The following DCAF8L2 variants were observed in gnomAD, a reference collection of about 807,000 sequenced individuals.
DCAF8L2 encodes DDB1 and CUL4 associated factor 8 like 2, also known as DDB1- and CUL4-associated factor 8-like protein 2.
For synonymous variants in DCAF8L2, 200 were observed against 190.9 expected (o/e 1.05, Z -0.39); for missense variants, 430 against 490.7 (o/e 0.88, Z 1.17).
upstream of DCAF8L2, among the ~76,000 whole-genome samples, chrX:27,587,971 C>T (rs1463611070): frequency 1.9e-4 from 4 of 21,348 alleles, no homozygotes; most frequent in African/African-American, 4.4e-4. Flanking sequence ...TTCAGTACTT[C>T]CATTAAAAAA....
At chrX:27,504,917 G>A in the DCAF8L2 span, among the ~76,000 whole-genome samples, 1 of 110,988 alleles carries the variant, frequency 9.0e-6, no homozygotes, top group African/African-American at 3.3e-5. Context: ...GCTCCATTTT[G>A]TTTCAGTTTC....
the DCAF8L2 span, among the ~76,000 whole-genome samples, chrX:27,522,094 C>A: frequency 2.7e-5 from 3 of 112,376 alleles, no homozygotes; most frequent in African/African-American, 9.7e-5. Flanking sequence ...GTGGCGCGAT[C>A]TCGGCTCACC....
At chrX:27,737,074 TTGG>T (rs1273354842) in intron 4 of DCAF8L2, among the ~76,000 whole-genome samples, 1 of 111,963 alleles carries the variant, frequency 8.9e-6, no homozygotes, top group Non-Finnish European at 1.9e-5. Flanking sequence ...TTAACATGTA[TTGG>T]GTTGATTATT....
chrX:27,628,502 T>C (rs995439045), intron 1 of DCAF8L2, among the ~76,000 whole-genome samples: 7 of 111,648 alleles, frequency 6.3e-5, no homozygotes, highest in African/African-American at 2.0e-4. Context: ...TTGAGGAACC[T>C]CCATACTTTT....
chrX:27,639,867 A>C (rs1928642059), intron 2 of DCAF8L2, among the ~76,000 whole-genome samples: 1 of 111,582 alleles, frequency 9.0e-6, no homozygotes, highest in Admixed American at 9.5e-5. Context: ...TTCATTGAAC[A>C]CTGTATCAAC....
Position 27,738,071 on chromosome X carries a change from A to G in DCAF8L2, c.-58-8767A>G, listed in dbSNP as rs1383121269. 4.5e-5 allele frequency among the ~76,000 whole-genome samples: 5 copies of G among 111,538 alleles called. No individual in the cohort carries two copies. In the East Asian group the frequency reaches 1.1e-3, roughly 25 times the overall value. ...AATAACCCATCTTTTTCTTTGATTG[A>G]TATTTTCAGAATCAGGCTGCCATAC... On this transcript the variant is annotated intron_variant, in intron 4 of 4. Coordinates refer to ENST00000451261, the MANE Select transcript of DCAF8L2 (RefSeq NM_001353450.2).
At chrX:27,563,162 G>C in the DCAF8L2 span, among the ~76,000 whole-genome samples, 1 of 110,486 alleles carries the variant, frequency 9.1e-6, no homozygotes, top group East Asian at 2.8e-4. Flanking sequence ...TGGTTTCTCT[G>C]GATGAAACAT....
intron 1 of DCAF8L2, among the ~76,000 whole-genome samples, chrX:27,627,718 AC>A (rs1476389652): frequency 9.3e-6 from 1 of 107,872 alleles, no homozygotes; most frequent in Non-Finnish European, 1.9e-5. Context: ...ACATGGTGAA[AC>A]CCTGTCTCTA....
intron 1 of DCAF8L2, among the ~76,000 whole-genome samples, chrX:27,599,022 T>C (rs1926508988): frequency 1.9e-5 from 2 of 107,945 alleles, no homozygotes; most frequent in Non-Finnish European, 1.9e-5. Context: ...TGGGTGTTTA[T>C]CCAAAAGAAT....
chrX:27,586,227 G>A (rs890193746), upstream of DCAF8L2, among the ~76,000 whole-genome samples: 4 of 111,277 alleles, frequency 3.6e-5, no homozygotes, highest in Non-Finnish European at 5.7e-5. Context: ...TTGCTGGAAA[G>A]AGTGTAATTT....
At chrX:27,544,912 A>G in the DCAF8L2 span, among the ~76,000 whole-genome samples, 1 of 112,025 alleles carries the variant, frequency 8.9e-6, no homozygotes, top group African/African-American at 3.2e-5. Context: ...AATTAGACAT[A>G]TTCGATTTAA....
At chrX:27,469,928 C>G in the DCAF8L2 span, among the ~76,000 whole-genome samples, 1 of 110,516 alleles carries the variant, frequency 9.0e-6, no homozygotes, top group Non-Finnish European at 1.9e-5. Context: ...GCCACCCTGC[C>G]TGGCTAATTT....
chrX:27,613,804 A>G (rs985141539), intron 1 of DCAF8L2, among the ~76,000 whole-genome samples: 8 of 110,438 alleles, frequency 7.2e-5, no homozygotes, highest in African/African-American at 2.3e-4. Context: ...GACGAAGCCA[A>G]CTTGATCTTG....
chrX:27,595,721 C>T lies in DCAF8L2; in HGVS notation c.-342+5281C>T, dbSNP rs1364484614. Among the ~76,000 whole-genome samples the T allele has an allele frequency of 3.6e-5, 4 of 111,901 alleles. No individual in the cohort carries two copies. The East Asian group carries it at 1.1e-3, about 31-fold the overall frequency. On this transcript the variant is annotated intron_variant, in intron 1 of 4. Transcript: ENST00000451261. ...TTAGAACACTGCTTTAAAAATGTTC[C>T]TTGAGGCCGAGTGCGGTGGCTCATG... is the stretch of plus-strand genomic sequence containing the variant.
chrX:27,740,318 C>T (rs1359154460), intron 4 of DCAF8L2, among the ~76,000 whole-genome samples: 1 of 111,571 alleles, frequency 9.0e-6, no homozygotes, highest in African/African-American at 3.3e-5. Context: ...ATTCCAACAC[C>T]AGTTTAAGCC....
In DCAF8L2 at chrX:27,746,925, C is replaced by T. The variant is rs1247477328; in HGVS notation, c.30C>T (p.Gly10=). The change falls in exon 5 of 5, where the codon GGC becomes GGT. Residue 10 remains glycine (G), a synonymous_variant. Transcript: ENST00000451261. The part of the protein sequence containing the change: MSHQEGSTD[G]LPDLGTESLF... ...CCCACCAAGAAGGCAGCACAGACGG[C>T]TTACCAGACTTAGGGACTGAAAGCC... 3.3e-6 allele frequency: 4 copies of T among 1,203,225 alleles called. No individual in the cohort carries two copies. The highest frequency in any genetic ancestry group is 4.5e-6 in the Non-Finnish European group (4 of 892,267).
At chrX:27,516,346 A>G in the DCAF8L2 span, among the ~76,000 whole-genome samples, 1 of 111,250 alleles carries the variant, frequency 9.0e-6, no homozygotes, top group South Asian at 3.7e-4. Context: ...TAGATACTGG[A>G]AAAAAATAAG....
chrX:27,654,892 T>C (rs1256100482), intron 2 of DCAF8L2, among the ~76,000 whole-genome samples: 2 of 111,674 alleles, frequency 1.8e-5, no homozygotes, highest in Non-Finnish European at 3.8e-5. Flanking sequence ...TATTAATATA[T>C]GTCATTAACG....
intron 2 of DCAF8L2, among the ~76,000 whole-genome samples, chrX:27,656,110 T>C (rs1391881947): frequency 9.0e-6 from 1 of 111,445 alleles, no homozygotes; most frequent in Non-Finnish European, 1.9e-5. Context: ...GGGAGATATG[T>C]ATTTGAAGTT....
Sources: gnomAD v4.1 joint callset for allele counts (sites outside exome capture counted in the v4.1 genomes callset) on GRCh38, gnomAD v4.1.1 for gene constraint, MANE v1.5 for transcripts, NCBI Gene and HGNC (gene_info 2026-07-23, HGNC 2026-07-21) for gene names.